CLASP1: variants seen among roughly 807,000 people sequenced by gnomAD.
CLASP1 encodes CLIP-associating protein 1.
A neutral mutation model predicts 192.3 loss-of-function variants in CLASP1; 38 were observed. That is an observed-to-expected ratio of 0.20 (90% CI 0.15 to 0.26). CLASP1 has a LOEUF of 0.26. Ranked by LOEUF, CLASP1 falls within the 10% of genes least tolerant of loss-of-function variation. The probability of loss-of-function intolerance (pLI) is 1.00; values close to 1 mark genes in which losing one functional copy is unlikely to be tolerated. For missense variants in CLASP1, 1,433 were observed against 1,932.5 expected (o/e 0.74, Z 4.85); for synonymous variants, 691 against 712.8 (o/e 0.97, Z 0.49).
intron 1 of CLASP1, among the ~76,000 whole-genome samples, chr2:121,632,729 T>G (rs1267778131): frequency 6.6e-6 from 1 of 151,968 alleles, no homozygotes; most frequent in Admixed American, 6.6e-5. Context: ...AAACCTCGTC[T>G]CTACTAAAAA....
intron 19 of CLASP1, among the ~76,000 whole-genome samples, chr2:121,443,789 C>T (rs2083805648): frequency 1.3e-5 from 2 of 151,980 alleles, no homozygotes; most frequent in South Asian, 2.1e-4. Context: ...GTAATTCTCA[C>T]GATGTGATAA....
chr2:121,413,139 A>G (rs1412946749), intron 23 of CLASP1, among the ~76,000 whole-genome samples: 10 of 152,174 alleles, frequency 6.6e-5, no homozygotes, highest in Admixed American at 5.9e-4. Context: ...ACGCACCTGT[A>G]GTCCCAGCTA....
intron 1 of CLASP1, among the ~76,000 whole-genome samples, chr2:121,616,960 A>T (rs1380654879): frequency 6.6e-6 from 1 of 152,238 alleles, no homozygotes; most frequent in African/African-American, 2.4e-5. Flanking sequence ...TAGTATGGGG[A>T]CAAGTCTTAA....
At chr2:121,630,126 G>A (rs2069209662) in intron 1 of CLASP1, among the ~76,000 whole-genome samples, 1 of 151,778 alleles carries the variant, frequency 6.6e-6, no homozygotes, top group African/African-American at 2.4e-5. Context: ...CACCATGTTG[G>A]CCAGGCTGGT....
chr2:121,405,792 G>A (rs2076824017), intron 25 of CLASP1, among the ~76,000 whole-genome samples: 1 of 152,174 alleles, frequency 6.6e-6, no homozygotes, highest in South Asian at 2.1e-4. Flanking sequence ...TCACCAAAGT[G>A]TCACAGGATG....
chr2:121,344,070 CA>C (rs535550641), intron 39 of CLASP1, among the ~76,000 whole-genome samples: 1 of 146,244 alleles, frequency 6.8e-6, no homozygotes, highest in African/African-American at 2.5e-5. Flanking sequence ...GACTCTATCT[CA>C]AAAAAAAACA....
intron 1 of CLASP1, among the ~76,000 whole-genome samples, chr2:121,641,488 A>G (rs1391989070): frequency 1.3e-5 from 2 of 152,196 alleles, no homozygotes; most frequent in East Asian, 1.9e-4. Flanking sequence ...CAACTACAAC[A>G]ATCTGTCCCA....
chr2:121,537,162 C>CA (rs2095106677), intron 2 of CLASP1, among the ~76,000 whole-genome samples: 1 of 152,108 alleles, frequency 6.6e-6, no homozygotes, highest in South Asian at 2.1e-4. Flanking sequence ...GAGGTCAAGG[C>CA]AGGCAGATCG....
At chr2:121,351,516 C>G (rs894377471) in intron 37 of CLASP1, among the ~76,000 whole-genome samples, 26 of 152,238 alleles carry the variant, frequency 1.7e-4, no homozygotes, top group African/African-American at 6.3e-4. Flanking sequence ...ATATGTCCCA[C>G]TTAAAGAAGC....
rs1173338056 is a variant in CLASP1, at chr2:121,350,328, A to G, written c.4207-1610T>C. 4.6e-5 allele frequency among the ~76,000 whole-genome samples: 7 copies of G among 152,328 alleles called. No homozygotes were observed. The East Asian group carries it at 1.3e-3, about 29-fold the overall frequency. Reference sequence around the variant, plus strand: ...ATGGATCATCTGGAAAGCTGCTTCTAGTTATGGGCATGAAGTGGGTGAAGA... The same window carrying G: ...ATGGATCATCTGGAAAGCTGCTTCTGGTTATGGGCATGAAGTGGGTGAAGA... On this transcript the variant is annotated intron_variant, in intron 37 of 39. Transcript: ENST00000263710.
chr2:121,530,990 G>C, intron 2 of CLASP1: 1 of 700,182 alleles, frequency 1.4e-6, no homozygotes, highest in Non-Finnish European at 2.6e-6. Flanking sequence ...GCTTTATTTT[G>C]GTGCAATTTT....
chr2:121,448,130 C>G, intron 18 of CLASP1, 146 bp downstream of exon 18: 1 of 670,796 alleles, frequency 1.5e-6, no homozygotes, highest in Non-Finnish European at 2.6e-6. Flanking sequence ...GCTGGAGAGT[C>G]AGGGCAGGGC....
chr2:121,344,799 T>C (rs1462947056), intron 39 of CLASP1, among the ~76,000 whole-genome samples: 1 of 150,566 alleles, frequency 6.6e-6, no homozygotes, highest in East Asian at 1.9e-4. Context: ...AGGGAGGGAG[T>C]TTGTATTAGG....
rs1367086560 is a variant in CLASP1, at chr2:121,502,323, A to G, written c.712+844T>C. The stretch of plus-strand genomic sequence containing the variant: ...AAGTAAAGGTCCTGCTCTCATGAGT[A>G]AACACATATTTTTCTAGTGATACAT... On this transcript the variant is annotated intron_variant, in intron 8 of 39. Transcript: ENST00000263710. Among the ~76,000 whole-genome samples, 10 of 152,244 alleles carry G rather than the reference A, an allele frequency of 6.6e-5. No homozygotes were observed. The East Asian group carries it at 1.9e-3, about 29-fold the overall frequency.
At position 121,607,279 on chromosome 2, in the gene CLASP1, C is replaced by T. The variant is rs913209915; in HGVS notation, c.-285-1099G>A. 5.3e-5 allele frequency among the ~76,000 whole-genome samples: 8 copies of T among 152,194 alleles called. 1 individual carries two copies. Among genetic ancestry groups the T allele is most frequent in the Non-Finnish European group, 8.8e-5 (6 of 68,010 alleles). On this transcript the variant is annotated intron_variant, in intron 1 of 39. Coordinates refer to ENST00000263710, the Ensembl canonical transcript of CLASP1. ...GCTTGAATCCAGGAGACGGAGGTTG[C>T]GGTGAGCCGACACAGTGCCACTGCA...
intron 19 of CLASP1, among the ~76,000 whole-genome samples, chr2:121,446,661 A>T (rs59839993): frequency 0.042 from 6,351 of 152,350 alleles, 169 homozygotes; most frequent in East Asian, 0.14. Context: ...GTGTTAAGCA[A>T]CTGCTGAAAA....
At position 121,398,311 on chromosome 2, in the gene CLASP1, T is replaced by C. The variant is rs2075622968; in HGVS notation, c.2979+11A>G. 1 of 1,577,696 alleles carries C rather than the reference T, an allele frequency of 6.3e-7. No individual in the cohort carries two copies. The highest frequency in any genetic ancestry group is 2.3e-5 in the East Asian group (1 of 44,180). ...TCCAGGGTTGAATTGTAATGACAAA[T>C]AATTACTGACCTTGAGGTTTGGAGT... On this transcript the variant is annotated intron_variant, in intron 29 of 39. Coordinates refer to ENST00000263710, the Ensembl canonical transcript of CLASP1.
chr2:121,381,985 A>C (rs2149349023), intron 33 of CLASP1, among the ~76,000 whole-genome samples: 1 of 152,234 alleles, frequency 6.6e-6, no homozygotes, highest in Middle Eastern at 3.4e-3. Flanking sequence ...TCAGCTTATA[A>C]AGGGTCATCT....
At chr2:121,534,632 G>A (rs2094995555) in intron 2 of CLASP1, among the ~76,000 whole-genome samples, 1 of 152,058 alleles carries the variant, frequency 6.6e-6, no homozygotes, top group Non-Finnish European at 1.5e-5. Context: ...CCGCCTCCCG[G>A]GTTCAAGAGA....
Sources: allele counts gnomAD v4.1 joint callset (sites outside exome capture counted in the v4.1 genomes callset), GRCh38; gene constraint gnomAD v4.1.1; transcripts MANE v1.5; gene names NCBI Gene and HGNC (gene_info 2026-07-23, HGNC 2026-07-21).